The following ABCA13 variants were observed in gnomAD, a reference collection of about 807,000 sequenced individuals.
ABCA13 encodes ATP binding cassette subfamily A member 13.
A neutral mutation model predicts 478.7 loss-of-function variants in ABCA13; 476 were observed. That is an observed-to-expected ratio of 0.99 (90% CI 0.92 to 1.07). The LOEUF (loss-of-function observed/expected upper bound fraction) is 1.07. Ranked by LOEUF, ABCA13 falls within the 50% of genes least tolerant of loss-of-function variation. ABCA13 has a pLI of 0.00. For missense variants in ABCA13, 6,060 were observed against 5,910.6 expected (o/e 1.03, Z -0.83); for synonymous variants, 2,252 against 2,158.9 (o/e 1.04, Z -1.20).
At chr7:48,470,806 C>G (rs1390891426) in intron 44 of ABCA13, among the ~76,000 whole-genome samples, 1 of 152,188 alleles carries the variant, frequency 6.6e-6, no homozygotes, top group Admixed American at 6.5e-5. Context: ...TTCTGAAAAG[C>G]AGGGCTAGTA....
chr7:48,470,968 G>A (rs1585470817), intron 44 of ABCA13, among the ~76,000 whole-genome samples: 3 of 152,184 alleles, frequency 2.0e-5, no homozygotes, highest in East Asian at 1.9e-4. Context: ...TTAAAGTATG[G>A]GACTCATAAG....
rs139941531 is a variant in ABCA13 at position 48,436,069 on chromosome 7, A to G, written c.12565+8198A>G. Reference sequence around the variant, plus strand: ...ATTAGGAAGTTTATTCTCCTCTTCAATTTTTTCAAAGAGTTCTAGGAGGCT... The same window carrying G: ...ATTAGGAAGTTTATTCTCCTCTTCAGTTTTTTCAAAGAGTTCTAGGAGGCT... On this transcript the variant is annotated intron_variant, in intron 42 of 61. Transcript: ENST00000435803. Among the ~76,000 whole-genome samples, 31 of 151,138 alleles carry G rather than the reference A, an allele frequency of 2.1e-4. No homozygotes were observed. The South Asian group carries it at 3.1e-3, about 15-fold the overall frequency.
intron 56 of ABCA13, among the ~76,000 whole-genome samples, chr7:48,581,182 T>C (rs1788672969): frequency 6.6e-6 from 1 of 152,230 alleles, no homozygotes; most frequent in Admixed American, 6.5e-5. Flanking sequence ...GCTTATATTA[T>C]GCGTTTGCAA....
At chr7:48,291,499 A>T (rs1227602902) in intron 20 of ABCA13, among the ~76,000 whole-genome samples, 1 of 152,012 alleles carries the variant, frequency 6.6e-6, no homozygotes, top group African/African-American at 2.4e-5. Context: ...GGTTTTATAA[A>T]CGTCATGTAA....
chr7:48,240,067 C>G (rs2129012007), intron 9 of ABCA13, among the ~76,000 whole-genome samples: 1 of 152,318 alleles, frequency 6.6e-6, no homozygotes, highest in Middle Eastern at 3.4e-3. Context: ...GCTTTGCCGT[C>G]TCTGTCTCAT....
At chr7:48,397,722 A>C (rs1383393803) in intron 38 of ABCA13, among the ~76,000 whole-genome samples, 6 of 152,162 alleles carry the variant, frequency 3.9e-5, no homozygotes, top group African/African-American at 1.4e-4. Flanking sequence ...GTGTTTAGAG[A>C]CCAGCTATAC....
chr7:48,538,795 A>G (rs1291908818), intron 55 of ABCA13, among the ~76,000 whole-genome samples: 1 of 152,144 alleles, frequency 6.6e-6, no homozygotes, highest in Non-Finnish European at 1.5e-5. Flanking sequence ...TAGACACCAT[A>G]GTTTAATCTT....
At chr7:48,358,525 G>T (rs1464062108) in intron 31 of ABCA13, among the ~76,000 whole-genome samples, 1 of 151,858 alleles carries the variant, frequency 6.6e-6, no homozygotes, top group African/African-American at 2.4e-5. Context: ...CTCTGCCTCT[G>T]GTAAATTATT....
chr7:48,417,379 T>C (rs1027564897), intron 41 of ABCA13, among the ~76,000 whole-genome samples: 1 of 152,116 alleles, frequency 6.6e-6, no homozygotes, highest in African/African-American at 2.4e-5. Context: ...CCCCATATCT[T>C]CTTCAACCCA....
chr7:48,175,657 G>A (rs1174215133), intron 1 of ABCA13, among the ~76,000 whole-genome samples: 2 of 152,122 alleles, frequency 1.3e-5, no homozygotes, highest in Non-Finnish European at 2.9e-5. Flanking sequence ...CTGACCTCAG[G>A]GGAGCCACCC....
intron 23 of ABCA13, among the ~76,000 whole-genome samples, chr7:48,302,452 G>A (rs541302241): frequency 3.9e-5 from 6 of 152,184 alleles, no homozygotes; most frequent in African/African-American, 1.4e-4. Flanking sequence ...CAGGTATTAA[G>A]CCTAGTATCC....
chr7:48,375,483 T>G (rs1813320966), intron 34 of ABCA13, among the ~76,000 whole-genome samples: 1 of 152,214 alleles, frequency 6.6e-6, no homozygotes, highest in Non-Finnish European at 1.5e-5. Flanking sequence ...TGCAATTATC[T>G]CATACCAATG....
At chr7:48,468,687 G>A (rs918849833) in intron 44 of ABCA13, among the ~76,000 whole-genome samples, 3 of 152,144 alleles carry the variant, frequency 2.0e-5, no homozygotes, top group African/African-American at 7.2e-5. Flanking sequence ...TTACCTCCTT[G>A]GAAGACTTGG....
chr7:48,305,524 A>T (rs1800777171), intron 23 of ABCA13, among the ~76,000 whole-genome samples: 1 of 152,110 alleles, frequency 6.6e-6, no homozygotes, highest in African/African-American at 2.4e-5. Context: ...TCTCCCCATC[A>T]TCTCCAGTTC....
chr7:48,433,458 T>C (rs1409304997), intron 42 of ABCA13, among the ~76,000 whole-genome samples: 1 of 148,966 alleles, frequency 6.7e-6, no homozygotes, highest in East Asian at 1.9e-4. Flanking sequence ...ATAATATAAG[T>C]ACATATATTT....
chr7:48,308,029 A>G (rs899123972), intron 23 of ABCA13, among the ~76,000 whole-genome samples: 2 of 152,194 alleles, frequency 1.3e-5, no homozygotes, highest in African/African-American at 4.8e-5. Context: ...CAGTGATAAC[A>G]TTTATATTAA....
intron 41 of ABCA13, among the ~76,000 whole-genome samples, chr7:48,421,011 T>G (rs114476647): frequency 6.6e-6 from 1 of 152,148 alleles, no homozygotes; most frequent in Non-Finnish European, 1.5e-5. Context: ...CCTATTTTGC[T>G]GTGATTGGTC....
chr7:48,588,861 A>G lies in ABCA13; in HGVS notation c.14640+1573A>G, dbSNP rs554686635. ...ACTAGAAGTGATTCTCAGAGCTGAC[A>G]TCAAGGAGGGAATCAGGAAAACGTA... On this transcript the variant is annotated intron_variant, in intron 57 of 61. Transcript: ENST00000435803. 2.0e-5 allele frequency among the ~76,000 whole-genome samples: 3 copies of G among 152,234 alleles called. No homozygotes were observed. The South Asian group carries it at 6.2e-4, about 32-fold the overall frequency.
intron 29 of ABCA13, among the ~76,000 whole-genome samples, chr7:48,347,219 G>A (rs1278696376): frequency 6.6e-6 from 1 of 152,106 alleles, no homozygotes; most frequent in Non-Finnish European, 1.5e-5. Context: ...AATGTCCAAA[G>A]GAATCACTTT....
Sources: allele counts gnomAD v4.1 joint callset (sites outside exome capture counted in the v4.1 genomes callset), GRCh38; gene constraint gnomAD v4.1.1; transcripts MANE v1.5; gene names NCBI Gene and HGNC (gene_info 2026-07-23, HGNC 2026-07-21).